The following EYA1 variants were observed in gnomAD, a reference collection of about 807,000 sequenced individuals.
EYA1 encodes the protein protein phosphatase EYA1.
A neutral mutation model predicts 82.0 loss-of-function variants in EYA1; 16 were observed. That is an observed-to-expected ratio of 0.20 (90% CI 0.13 to 0.30). The LOEUF is 0.30. Among genes scored for constraint, EYA1 ranks in the 10% least tolerant of loss-of-function variants. The pLI, the probability that EYA1 is intolerant of heterozygous loss-of-function variation, is 1.00. For missense variants in EYA1, 633 were observed against 730.7 expected, an observed-to-expected ratio of 0.87 and a Z score of 1.54; for synonymous variants, 261 against 264.4, an observed-to-expected ratio of 0.99 and a Z score of 0.12.
intron 2 of EYA1, among the ~76,000 whole-genome samples, chr8:71,426,394 C>G (rs1805229048): frequency 6.6e-6 from 1 of 152,152 alleles, no homozygotes; most frequent in African/African-American, 2.4e-5. Context: ...CAAGATCTAC[C>G]AATTGCCAAA....
chr8:71,313,438 A>G (rs1821573420), intron 7 of EYA1, among the ~76,000 whole-genome samples: 1 of 152,192 alleles, frequency 6.6e-6, no homozygotes, highest in Non-Finnish European at 1.5e-5. Context: ...AATGCTACCT[A>G]ATCTGGAACT....
At chr8:71,284,549 T>C (rs971339195) in intron 9 of EYA1, among the ~76,000 whole-genome samples, 1 of 152,208 alleles carries the variant, frequency 6.6e-6, no homozygotes, top group Non-Finnish European at 1.5e-5. Flanking sequence ...ATTGTCAAGA[T>C]TGCATCAAAT....
At chr8:71,263,111 T>A (rs1456060755) in intron 11 of EYA1, among the ~76,000 whole-genome samples, 1 of 152,164 alleles carries the variant, frequency 6.6e-6, no homozygotes, top group Non-Finnish European at 1.5e-5. Context: ...AGTTGAGAAC[T>A]GGGCTGTGAG....
At chr8:71,343,559 T>C (rs1257650243) in intron 3 of EYA1, among the ~76,000 whole-genome samples, 1 of 152,178 alleles carries the variant, frequency 6.6e-6, no homozygotes, top group African/African-American at 2.4e-5. Context: ...GGCCTCCCCA[T>C]GTGACACTCT....
chr8:71,231,586 T>G (rs1811202946), intron 12 of EYA1, among the ~76,000 whole-genome samples: 1 of 152,224 alleles, frequency 6.6e-6, no homozygotes, highest in Non-Finnish European at 1.5e-5. Context: ...ATTGCTGTGA[T>G]GGAATTATTC....
intron 1 of EYA1, among the ~76,000 whole-genome samples, chr8:71,542,235 T>TA (rs1361384468): frequency 6.6e-6 from 1 of 152,138 alleles, no homozygotes; most frequent in Non-Finnish European, 1.5e-5. Context: ...CACCCTCCGA[T>TA]AGACTCCAGG....
chr8:71,500,416 C>T (rs1260237613), intron 2 of EYA1, among the ~76,000 whole-genome samples: 2 of 152,160 alleles, frequency 1.3e-5, no homozygotes, highest in African/African-American at 4.8e-5. Flanking sequence ...ATCTCCTCTT[C>T]AAAGTGCCCT....
intron 2 of EYA1, among the ~76,000 whole-genome samples, chr8:71,425,176 G>A (rs1444731113): frequency 2.7e-5 from 4 of 150,818 alleles, no homozygotes; most frequent in African/African-American, 7.3e-5. Context: ...CCAGCTATTC[G>A]GGAGGCTGAG....
At chr8:71,423,609 A>C (rs929259205) in intron 2 of EYA1, among the ~76,000 whole-genome samples, 3 of 152,242 alleles carry the variant, frequency 2.0e-5, no homozygotes, top group Non-Finnish European at 4.4e-5. Context: ...CTCTACATAA[A>C]GGATTAGTCA....
intron 2 of EYA1, among the ~76,000 whole-genome samples, chr8:71,472,790 T>TATATATAG (rs1563647876): frequency 1.0e-4 from 10 of 96,550 alleles, no homozygotes. Flanking sequence ...GCTTTGAAGA[T>TATATATAG]ATATATATAT....
At chr8:71,514,862 T>G (rs963473112) in intron 2 of EYA1, among the ~76,000 whole-genome samples, 2 of 152,158 alleles carry the variant, frequency 1.3e-5, no homozygotes, top group Admixed American at 1.3e-4. Context: ...TGCTTTAGTT[T>G]TTAGTTTATT....
intron 2 of EYA1, among the ~76,000 whole-genome samples, chr8:71,441,835 G>A (rs1025642945): frequency 6.6e-5 from 10 of 152,184 alleles, no homozygotes; most frequent in East Asian, 3.9e-4. Flanking sequence ...ATTAGATTAC[G>A]TCATGAGGTC....
At chr8:71,315,766 G>A (rs954135599) in intron 7 of EYA1, among the ~76,000 whole-genome samples, 1 of 152,082 alleles carries the variant, frequency 6.6e-6, no homozygotes, top group African/African-American at 2.4e-5. Context: ...TCTTTTCCAA[G>A]GCTGCATAAA....
intron 2 of EYA1, among the ~76,000 whole-genome samples, chr8:71,437,216 T>C (rs571983167): frequency 1.6e-4 from 24 of 151,948 alleles, no homozygotes; most frequent in African/African-American, 5.8e-4. Flanking sequence ...AGAAAAGCTG[T>C]TATTTAAGTC....
chr8:71,321,567 C>T (rs924538335), intron 6 of EYA1, among the ~76,000 whole-genome samples, 167 bp downstream of exon 6: 38 of 152,202 alleles, frequency 2.5e-4, no homozygotes, highest in African/African-American at 7.2e-4. Flanking sequence ...TAAGGAGCTA[C>T]CAGTTCTTAT....
chr8:71,528,535 C>T (rs556971241), intron 2 of EYA1, among the ~76,000 whole-genome samples: 1 of 152,282 alleles, frequency 6.6e-6, no homozygotes, highest in East Asian at 1.9e-4. Flanking sequence ...CCCAAGCCAG[C>T]CTTGCCTGTT....
chr8:71,437,055 CATAT>C (rs34634844), intron 2 of EYA1, among the ~76,000 whole-genome samples: 1 of 144,772 alleles, frequency 6.9e-6, no homozygotes, highest in South Asian at 2.2e-4. Context: ...TGTATATCTA[CATAT>C]ATATATATAT....
chr8:71,407,470 C>G (rs2129135311), intron 2 of EYA1, among the ~76,000 whole-genome samples: 1 of 150,638 alleles, frequency 6.6e-6, no homozygotes, highest in East Asian at 1.9e-4. Context: ...AAGTTGAAAA[C>G]TTAAAAAAAT....
intron 10 of EYA1, among the ~76,000 whole-genome samples, chr8:71,270,472 G>A (rs980744988): frequency 2.6e-5 from 4 of 152,278 alleles, no homozygotes; most frequent in African/African-American, 9.6e-5. Flanking sequence ...GGGAACTGAA[G>A]GAATTCATTT....
Sources: allele counts gnomAD v4.1 joint callset (sites outside exome capture counted in the v4.1 genomes callset), GRCh38; gene constraint gnomAD v4.1.1; transcripts MANE v1.5; gene names NCBI Gene and HGNC (gene_info 2026-07-23, HGNC 2026-07-21).